The following CHN1 variants were observed in gnomAD, a reference collection of about 807,000 sequenced individuals.
CHN1 encodes N-chimaerin.
A neutral mutation model predicts 59.5 loss-of-function variants in CHN1; 37 were observed. That is an observed-to-expected ratio of 0.62 (90% CI 0.48 to 0.82). The LOEUF is 0.82. CHN1 is among the 40% of genes least tolerant of loss of function. The pLI is 0.00. For synonymous variants in CHN1, 206 were observed against 200.4 expected (o/e 1.03, Z -0.24); for missense variants, 469 against 571.0 (o/e 0.82, Z 1.82).
chr2:174,930,792 T>C (rs1398048365), intron 3 of CHN1, among the ~76,000 whole-genome samples: 1 of 149,620 alleles, frequency 6.7e-6, no homozygotes, highest in East Asian at 2.0e-4. Context: ...TGAGACGGAG[T>C]CTCGCTCTGC....
chr2:174,802,117 T>A, intron 11 of CHN1: 1 of 296,148 alleles, frequency 3.4e-6, no homozygotes, highest in Non-Finnish European at 6.6e-6. Flanking sequence ...AGGATGTAAC[T>A]ACAAAAAATT....
intron 11 of CHN1, among the ~76,000 whole-genome samples, chr2:174,803,418 A>G (rs1480017730): frequency 6.6e-6 from 1 of 152,228 alleles, no homozygotes; most frequent in Non-Finnish European, 1.5e-5. Context: ...GCTTTTTGCC[A>G]TGATAAAAAA....
At chr2:174,923,887 G>A (rs1179981417) in intron 3 of CHN1, among the ~76,000 whole-genome samples, 1 of 152,150 alleles carries the variant, frequency 6.6e-6, no homozygotes, top group African/African-American at 2.4e-5. Flanking sequence ...GGTAAGCACT[G>A]ATAATTAAGA....
At chr2:174,986,091 T>C (rs1691330676) in intron 1 of CHN1, among the ~76,000 whole-genome samples, 2 of 152,160 alleles carry the variant, frequency 1.3e-5, no homozygotes, top group Admixed American at 1.3e-4. Context: ...CTAAATCATG[T>C]GAAATATTTA....
chr2:174,865,621 C>T (rs1687193726), intron 6 of CHN1, among the ~76,000 whole-genome samples: 2 of 152,132 alleles, frequency 1.3e-5, no homozygotes, highest in African/African-American at 4.8e-5. Flanking sequence ...TGTTATAATT[C>T]TAAGCTTTAC....
chr2:174,813,805 G>A (rs1432253451), intron 8 of CHN1, among the ~76,000 whole-genome samples: 1 of 152,042 alleles, frequency 6.6e-6, no homozygotes, highest in East Asian at 1.9e-4. Flanking sequence ...ATCATACAAC[G>A]CCATTCAGTT....
intron 1 of CHN1, among the ~76,000 whole-genome samples, chr2:175,004,458 C>A (rs1282432807): frequency 6.6e-6 from 1 of 152,090 alleles, no homozygotes; most frequent in Non-Finnish European, 1.5e-5. Context: ...CCCAATAGTC[C>A]AACAGGAAGC....
At chr2:174,988,562 A>C (rs1477234812) in intron 1 of CHN1, among the ~76,000 whole-genome samples, 1 of 152,168 alleles carries the variant, frequency 6.6e-6, no homozygotes, top group African/African-American at 2.4e-5. Flanking sequence ...TTATAACAAT[A>C]TATTTAGTTG....
intron 5 of CHN1, among the ~76,000 whole-genome samples, chr2:174,910,899 CAAAAAAAAA>C (rs10568066): frequency 0.069 from 5,268 of 76,790 alleles, 130 homozygotes; most frequent in Admixed American, 0.16. Flanking sequence ...GACTCCGTCT[CAAAAAAAAA>C]AAAAAAAAAA....
chr2:174,839,076 AATT>A (rs1686197894), intron 7 of CHN1, among the ~76,000 whole-genome samples: 1 of 152,132 alleles, frequency 6.6e-6, no homozygotes, highest in African/African-American at 2.4e-5. Flanking sequence ...GATAAATAAA[AATT>A]ATATTTACTG....
chr2:174,881,538 T>C (rs1687737343), intron 5 of CHN1, among the ~76,000 whole-genome samples: 1 of 152,194 alleles, frequency 6.6e-6, no homozygotes, highest in Non-Finnish European at 1.5e-5. Context: ...TAAATATATA[T>C]AGTAGGCTCG....
At chr2:174,916,397 C>T (rs1161285806) in intron 4 of CHN1, among the ~76,000 whole-genome samples, 1 of 152,078 alleles carries the variant, frequency 6.6e-6, no homozygotes, top group African/African-American at 2.4e-5. Flanking sequence ...TTGTTTATTT[C>T]ATAGACCCAG....
At chr2:174,939,229 G>A (rs1398317390) in intron 3 of CHN1, among the ~76,000 whole-genome samples, 1 of 152,102 alleles carries the variant, frequency 6.6e-6, no homozygotes, top group African/African-American at 2.4e-5. Flanking sequence ...TTTGCATCAA[G>A]GTGAATCATC....
At chr2:174,830,018 G>T (rs1685818207) in intron 7 of CHN1, among the ~76,000 whole-genome samples, 1 of 152,094 alleles carries the variant, frequency 6.6e-6, no homozygotes, top group Non-Finnish European at 1.5e-5. Context: ...GGCTCACGAG[G>T]TCAAGAGATC....
At chr2:174,838,699 T>G (rs17198248) in intron 7 of CHN1, among the ~76,000 whole-genome samples, 54,614 of 151,826 alleles carry the variant, frequency 0.36, 11,840 homozygotes, top group Admixed American at 0.55. Context: ...GACTGTTGTA[T>G]GAACATGTAA....
chr2:174,857,354 T>A (rs1686934817), intron 6 of CHN1, among the ~76,000 whole-genome samples: 1 of 152,122 alleles, frequency 6.6e-6, no homozygotes, highest in South Asian at 2.1e-4. Context: ...TCTTTATGAT[T>A]TTACATATCA....
chr2:174,838,704 A>ATGTAAAC (rs1319768119), intron 7 of CHN1, among the ~76,000 whole-genome samples: 1 of 152,088 alleles, frequency 6.6e-6, no homozygotes, highest in African/African-American at 2.4e-5. Flanking sequence ...TTGTATGAAC[A>ATGTAAAC]TGTAAACTGA....
At chr2:174,847,764 G>T in intron 6 of CHN1, 1 of 393,802 alleles carries the variant, frequency 2.5e-6, no homozygotes, top group East Asian at 7.5e-5. Flanking sequence ...GTTTCTTGCT[G>T]GCTCAAGGCA....
intron 1 of CHN1, among the ~76,000 whole-genome samples, chr2:174,962,001 C>T (rs189266867): frequency 3.8e-4 from 58 of 152,110 alleles, no homozygotes; most frequent in Non-Finnish European, 5.9e-4. Flanking sequence ...AACATTTCAT[C>T]GAGGGCCAGG....
Sources: gnomAD v4.1 joint callset for allele counts (sites outside exome capture counted in the v4.1 genomes callset) on GRCh38, gnomAD v4.1.1 for gene constraint, MANE v1.5 for transcripts, NCBI Gene and HGNC (gene_info 2026-07-23, HGNC 2026-07-21) for gene names.